Variants in ARX observed in about 807,000 individuals in gnomAD.
ARX encodes the protein aristaless related homeobox, also known as homeobox protein ARX.
A neutral mutation model predicts 23.1 loss-of-function variants in ARX; 1 was observed. That is an observed-to-expected ratio of 0.04 (90% CI 0.02 to 0.21). The LOEUF (loss-of-function observed/expected upper bound fraction) is 0.21, where lower values mean the gene tolerates loss of function less well. Among genes scored for constraint, ARX ranks in the 10% least tolerant of loss-of-function variants. ARX has a pLI of 1.00. For synonymous variants in ARX, 301 were observed against 270.1 expected, an observed-to-expected ratio of 1.11 and a Z score of -1.12; for missense variants, 380 against 527.5, an observed-to-expected ratio of 0.72 and a Z score of 2.74.
In ARX at chrX:25,010,341, C is replaced by T. The variant is rs375334550; in HGVS notation, c.1074-36G>A. 30 of 1,198,418 alleles carry T rather than the reference C, an allele frequency of 2.5e-5. No individual in the cohort carries two copies. The African/African-American group carries it at 4.8e-4, about 19-fold the overall frequency. ...GCAACACACAGACAGGAGGTCACTGCAGGCCCCAGCAATGCCCTCTCAGCT... is the reference window on the plus strand; with the variant it reads ...GCAACACACAGACAGGAGGTCACTGTAGGCCCCAGCAATGCCCTCTCAGCT... On this transcript the variant is annotated intron_variant, in intron 2 of 4. Coordinates refer to ENST00000379044, the MANE Select transcript of ARX (RefSeq NM_139058.3).
At chrX:25,007,525 G>T in intron 3 of ARX, 86 bp from the exon 4 acceptor site, 1 of 1,060,245 alleles carries the variant, frequency 9.4e-7, no homozygotes, top group Non-Finnish European at 1.2e-6. Flanking sequence ...TTGGCGCGCT[G>T]CGGGGCCCCC....
At position 25,007,127 on chromosome X, in the gene ARX, T is replaced by G; in HGVS notation, c.1432A>C (p.Ser478Arg). Residue 478 changes from serine to arginine, a missense_variant, in exon 4 of 5, where the codon AGC (serine) becomes CGC (arginine). By Grantham distance (110) the Ser-to-Arg change is moderately radical (BLOSUM62 -1). Coordinates refer to ENST00000379044, the MANE Select transcript of ARX (RefSeq NM_139058.3). ...GCGCGTTACCTGCCGAATGCCGGGCTGATGAAAGCTGGGTGTCGGAACACT... is the reference window on the plus strand; with the variant it reads ...GCGCGTTACCTGCCGAATGCCGGGCGGATGAAAGCTGGGTGTCGGAACACT... ...AAVFRHPAFI[S>R]PAFGRLFSTM... 8.3e-7 allele frequency: 1 copy of G among 1,199,026 alleles called. No individual in the cohort carries two copies. Among genetic ancestry groups the G allele is most frequent in the Non-Finnish European group, 1.1e-6 (1 of 889,777 alleles).
intron 1 of ARX, 126 bp downstream of exon 1, chrX:25,015,416 C>T (rs2048722516): frequency 1.1e-6 from 1 of 893,688 alleles, no homozygotes. Flanking sequence ...GGCAGCAGGC[C>T]TCAGAGTTAT....
rs1406876852 is a variant in ARX at position 25,003,761 on chromosome X, G to A, written c.*909C>T. The stretch of plus-strand genomic sequence containing the variant: ...CTCCACTAGATAGCAAGGAAAAGTG[G>A]TAACAATTACACATTACACAAAAGT... On this transcript the variant is annotated 3_prime_UTR_variant, in exon 5 of 5. Transcript: ENST00000379044. 9.0e-5 allele frequency: 10 copies of A among 111,625 alleles called. No homozygotes were observed. Among genetic ancestry groups the A allele is most frequent in the African/African-American group, 2.9e-4 (9 of 30,679 alleles). 9.2% of individuals were successfully genotyped at this position (111,625 alleles called of 1,213,427 possible).
In ARX at chrX:25,004,321, A is replaced by C; in HGVS notation, c.*349T>G. 5.1e-6 allele frequency: 1 copy of C among 197,955 alleles called. No homozygotes were observed. The allele number at this position is 197,955 out of a possible 1,213,427, so 16.3% of individuals were successfully genotyped here. On this transcript the variant is annotated 3_prime_UTR_variant, in exon 5 of 5. Transcript: ENST00000379044. ...AAGGCTAAGTGGGGTGTCAGGAGGA[A>C]GAGGTTGGGCTTTTTAAATTTTTTA... is the stretch of plus-strand genomic sequence containing the variant.
Position 25,004,412 on chromosome X carries a change from G to C in ARX, c.*258C>G, listed in dbSNP as rs754327749. The C allele has an allele frequency of 3.9e-5, 16 of 410,394 alleles. No individual in the cohort carries two copies. Among genetic ancestry groups the C allele is most frequent in the African/African-American group, 3.3e-4 (13 of 38,838 alleles). 33.8% of individuals were successfully genotyped at this position (410,394 alleles called of 1,213,427 possible). A position where few individuals can be genotyped will look rare whatever the true frequency, so the allele number is the denominator to read the frequency against. ...TTTTCAGGAAAGTAAGAACAAGAGA[G>C]AGTGGATGTTGGAGTTGGAGCGAGG... On this transcript the variant is annotated 3_prime_UTR_variant, in exon 5 of 5. Coordinates refer to ENST00000379044, the MANE Select transcript of ARX (RefSeq NM_139058.3).
At chrX:25,004,938 T>C (rs780315104) in intron 4 of ARX, 28 bp from the exon 5 acceptor site, 3 of 1,102,961 alleles carry the variant, frequency 2.7e-6, no homozygotes, top group East Asian at 6.8e-5. Context: ...AGCGCGGTCA[T>C]GGCCTCGGGA....
intron 4 of ARX, among the ~76,000 whole-genome samples, chrX:25,006,256 G>A (rs2048677581): frequency 8.9e-6 from 1 of 112,525 alleles, no homozygotes; most frequent in Admixed American, 9.3e-5. Flanking sequence ...CAGTGCGCTC[G>A]CTGTTTATTT....
At chrX:25,005,227 C>T (rs1211852450) in intron 4 of ARX, among the ~76,000 whole-genome samples, 1 of 112,118 alleles carries the variant, frequency 8.9e-6, no homozygotes, top group Non-Finnish European at 1.9e-5. Context: ...TCGGTGGTTT[C>T]GCTTAAACGG....
chrX:25,004,658 G>T lies in ARX; in HGVS notation c.*12C>A. The T allele has an allele frequency of 8.6e-7, 1 of 1,165,055 alleles. No individual in the cohort carries two copies. ...CGGGGCGCGCGCGGGGCGCGGGTGTGGAGGGCAGCCTTTAGCACACCTCCT... is the reference window on the plus strand; with the variant it reads ...CGGGGCGCGCGCGGGGCGCGGGTGTTGAGGGCAGCCTTTAGCACACCTCCT... On this transcript the variant is annotated 3_prime_UTR_variant, in exon 5 of 5. Coordinates refer to ENST00000379044, the MANE Select transcript of ARX (RefSeq NM_139058.3).
chrX:25,010,410 G>C (rs2048697494), intron 2 of ARX, 105 bp from the exon 3 acceptor site: 1 of 966,201 alleles, frequency 1.0e-6, no homozygotes, highest in African/African-American at 1.9e-5. Context: ...GGTCTCCCCT[G>C]GCTGCCTGCC....
rs768002791 is a variant in ARX at position 25,015,758 on chromosome X, G to T, written c.-21C>A. ...CTCATGGCTGGGGCTTTTTCCCAGG[G>T]CGCAGAGAGCGGATCGCCGGCTGCC... On this transcript the variant is annotated 5_prime_UTR_variant, in exon 1 of 5. Transcript: ENST00000379044. 1 of 1,179,774 alleles carries T rather than the reference G, an allele frequency of 8.5e-7. No individual in the cohort carries two copies. The highest frequency in any genetic ancestry group is 2.3e-4 in the Middle Eastern group (1 of 4,281).
chrX:25,007,203 G>A lies in ARX; in HGVS notation c.1356C>T (p.Ser452=). ...PSLPPPPGSA[S]LPPSGAPLGL... is the part of the protein sequence containing the mutation. ...CCAGCGGCGCCCCGCTGGGCGGCAG[G>A]CTGGCCGAGCCCGGAGGCGGAGGTA... The change falls in exon 4 of 5, where the codon AGC becomes AGT. Residue 452 remains serine, a synonymous_variant. Transcript: ENST00000379044. 8.5e-7 allele frequency: 1 copy of A among 1,172,159 alleles called. No individual in the cohort carries two copies. Among genetic ancestry groups the A allele is most frequent in the Non-Finnish European group, 1.1e-6 (1 of 877,518 alleles).
chrX:25,004,585 T>A lies in ARX; in HGVS notation c.*85A>T. On this transcript the variant is annotated 3_prime_UTR_variant, in exon 5 of 5. Coordinates refer to ENST00000379044, the MANE Select transcript of ARX (RefSeq NM_139058.3). ...CAGTGCCGTCTCGGGAGTGTGCTGGTCCTCTGTTTCCATTTGGTCTTGAGT... is the reference window on the plus strand; with the variant it reads ...CAGTGCCGTCTCGGGAGTGTGCTGGACCTCTGTTTCCATTTGGTCTTGAGT... The A allele has an allele frequency of 8.7e-7, 1 of 1,147,593 alleles. No homozygotes were observed. Among genetic ancestry groups the A allele is most frequent in the Non-Finnish European group, 1.2e-6 (1 of 863,182 alleles). 94.6% of individuals were successfully genotyped at this position (1,147,593 alleles called of 1,213,427 possible).
chrX:25,007,091 C>T lies in ARX; in HGVS notation c.1448+20G>A, dbSNP rs2048681253. 3 of 1,179,569 alleles carry T rather than the reference C, an allele frequency of 2.5e-6. No individual in the cohort carries two copies. The highest frequency in any genetic ancestry group is 1.8e-5 in the African/African-American group (1 of 56,093). ...TATGAGAGACAGACAGACAGACAGA[C>T]TTCCGAGGCTGCGCGTTACCTGCCG... On this transcript the variant is annotated intron_variant, in intron 4 of 4. Coordinates refer to ENST00000379044, the MANE Select transcript of ARX (RefSeq NM_139058.3).
chrX:25,005,016 C>T (rs908265450), intron 4 of ARX, 106 bp from the exon 5 acceptor site: 1 of 1,004,166 alleles, frequency 1.0e-6, no homozygotes, highest in African/African-American at 2.0e-5. Context: ...GGCGCGGTAC[C>T]CACGGGACCC....
rs1426599363 is a variant in ARX, at chrX:25,006,825, T to C, written c.1448+286A>G. On this transcript the variant is annotated intron_variant, in intron 4 of 4. Transcript: ENST00000379044. ...GCTTACCACCTATGGTGGGACTTGT[T>C]GCAGCCTGCAAATGGTACTTTTACA... 2.7e-5 allele frequency among the ~76,000 whole-genome samples: 3 copies of C among 111,230 alleles called. No homozygotes were observed. In the East Asian group the frequency reaches 8.5e-4, roughly 31 times the overall value.
At chrX:25,012,837 C>T in intron 2 of ARX, 85 bp downstream of exon 2, 1 of 1,164,168 alleles carries the variant, frequency 8.6e-7, no homozygotes, top group South Asian at 1.9e-5. Context: ...CGCCCCGAGG[C>T]CGGGGCCCCT....
At position 25,004,294 on chromosome X, in the gene ARX, G is replaced by A; in HGVS notation, c.*376C>T. 6.2e-6 allele frequency: 1 copy of A among 160,606 alleles called. No individual in the cohort carries two copies. Among genetic ancestry groups the A allele is most frequent in the Non-Finnish European group, 1.2e-5 (1 of 85,052 alleles). 13.2% of individuals were successfully genotyped at this position (160,606 alleles called of 1,213,427 possible). Reference sequence around the variant, plus strand: ...AAAAGAAAGAAAGAAAGAAAGAAAAGAAAGGCTAAGTGGGGTGTCAGGAGG... The same window carrying A: ...AAAAGAAAGAAAGAAAGAAAGAAAAAAAAGGCTAAGTGGGGTGTCAGGAGG... On this transcript the variant is annotated 3_prime_UTR_variant, in exon 5 of 5. Coordinates refer to ENST00000379044, the MANE Select transcript of ARX (RefSeq NM_139058.3).
Sources: allele counts gnomAD v4.1 joint callset (sites outside exome capture counted in the v4.1 genomes callset), GRCh38; gene constraint gnomAD v4.1.1; transcripts MANE v1.5; gene names NCBI Gene and HGNC (gene_info 2026-07-23, HGNC 2026-07-21).